The following GRIK2 variants were observed in gnomAD, a reference collection of about 807,000 sequenced individuals.
GRIK2 encodes glutamate receptor ionotropic, kainate 2.
GRIK2 carries 32 observed loss-of-function variants against 100.3 expected under a neutral mutation model. The ratio of observed to expected loss-of-function variants is 0.32; its 90% CI spans 0.24 to 0.43. GRIK2 has a LOEUF of 0.43. Among genes scored for constraint, GRIK2 ranks in the 20% least tolerant of loss-of-function variants. The pLI is 1.00. For missense variants in GRIK2, 843 were observed against 1,114.9 expected (o/e 0.76, Z 3.47); for synonymous variants, 417 against 389.4 (o/e 1.07, Z -0.83).
At chr6:101,841,488 C>T (rs374510614) in intron 10 of GRIK2, among the ~76,000 whole-genome samples, 27 of 151,992 alleles carry the variant, frequency 1.8e-4, no homozygotes, top group African/African-American at 5.5e-4. Flanking sequence ...CTCAGCCTCC[C>T]GAGTAGCTGG....
At chr6:101,867,636 A>G (rs1489807313) in intron 11 of GRIK2, among the ~76,000 whole-genome samples, 3 of 151,868 alleles carry the variant, frequency 2.0e-5, no homozygotes, top group Non-Finnish European at 4.4e-5. Context: ...TAGTTCTCAA[A>G]TATAAATGAC....
intron 11 of GRIK2, among the ~76,000 whole-genome samples, chr6:101,879,414 T>C (rs1162587219): frequency 6.6e-6 from 1 of 151,988 alleles, no homozygotes; most frequent in Non-Finnish European, 1.5e-5. Flanking sequence ...CAATTACATA[T>C]GCACCATTTA....
chr6:101,519,583 A>G (rs1443819233), intron 2 of GRIK2, among the ~76,000 whole-genome samples: 5 of 152,016 alleles, frequency 3.3e-5, no homozygotes, highest in African/African-American at 1.2e-4. Flanking sequence ...AATATTTTCT[A>G]ATTAAGTCCC....
intron 14 of GRIK2, 121 bp downstream of exon 14, chr6:101,928,753 T>C (rs1790072276): frequency 1.6e-6 from 1 of 640,852 alleles, no homozygotes; most frequent in African/African-American, 1.8e-5. Flanking sequence ...AATAATAGCA[T>C]ATACCTCAAG....
intron 14 of GRIK2, among the ~76,000 whole-genome samples, chr6:101,952,108 A>G (rs911492974): frequency 5.3e-5 from 8 of 152,150 alleles, no homozygotes; most frequent in Non-Finnish European, 1.2e-4. Context: ...TCTGTTCTCC[A>G]TTTCAGCAAT....
chr6:101,417,339 A>G (rs1406390161), intron 2 of GRIK2, among the ~76,000 whole-genome samples: 2 of 152,156 alleles, frequency 1.3e-5, no homozygotes, highest in Non-Finnish European at 2.9e-5. Context: ...AGTGACTTAC[A>G]TGTATGTAAG....
Position 101,626,372 on chromosome 6 carries a change from C to A in GRIK2, c.284-8C>A. 6.2e-7 allele frequency: 1 copy of A among 1,608,702 alleles called. No individual in the cohort carries two copies. The highest frequency in any genetic ancestry group is 8.5e-7 in the Non-Finnish European group (1 of 1,177,230). On this transcript the variant is annotated splice_polypyrimidine_tract_variant and splice_region_variant and intron_variant, in intron 3 of 16. Coordinates refer to ENST00000369134, the MANE Select transcript of GRIK2 (RefSeq NM_021956.5). ...CTCATTATTGACAGACCTTTATCTC[C>A]TCTTCAGCCTGTGATCAGCTGTCTC...
chr6:101,415,472 G>T (rs1164078496), intron 2 of GRIK2, among the ~76,000 whole-genome samples: 1 of 147,080 alleles, frequency 6.8e-6, no homozygotes, highest in Non-Finnish European at 1.5e-5. Context: ...CTGGGTTCAC[G>T]CCATTCTCCT....
At position 101,567,407 on chromosome 6, in the gene GRIK2, C is replaced by A. The variant is rs141883715; in HGVS notation, c.116-54542C>A. On this transcript the variant is annotated intron_variant, in intron 2 of 16. Transcript: ENST00000369134. ...AAATGCAAATCTGTCATGTCACTGA[C>A]TTCTTTAAAGACTCCAAGCATTCTT... Among the ~76,000 whole-genome samples the A allele has an allele frequency of 4.7e-4, 72 of 152,034 alleles. 1 individual carries two copies. Among genetic ancestry groups the A allele is most frequent in the African/African-American group, 1.7e-3 (71 of 41,544 alleles).
At position 101,641,764 on chromosome 6, in the gene GRIK2, C is replaced by T. The variant is rs531143503; in HGVS notation, c.541+15127C>T. ...CTTTTACACTATTGAAAAAGGATTC[C>T]GTGTGCTTTTAGCCTACAGCAAAGA... On this transcript the variant is annotated intron_variant, in intron 4 of 16. Coordinates refer to ENST00000369134, the MANE Select transcript of GRIK2 (RefSeq NM_021956.5). 1.6e-4 allele frequency among the ~76,000 whole-genome samples: 25 copies of T among 151,994 alleles called. No homozygotes were observed. In the Middle Eastern group the frequency reaches 0.01, roughly 62 times the overall value.
intron 2 of GRIK2, among the ~76,000 whole-genome samples, chr6:101,614,093 T>C (rs1779796394): frequency 6.6e-6 from 1 of 151,680 alleles, no homozygotes; most frequent in African/African-American, 2.4e-5. Context: ...ATCTGAATGA[T>C]GAGTAGACCA....
At chr6:101,805,865 G>C (rs1780972705) in intron 9 of GRIK2, among the ~76,000 whole-genome samples, 1 of 152,044 alleles carries the variant, frequency 6.6e-6, no homozygotes, top group African/African-American at 2.4e-5. Flanking sequence ...CTGTGGAGCA[G>C]ATAAACCAGG....
chr6:101,928,713 T>C (rs1790070020), intron 14 of GRIK2, 81 bp downstream of exon 14: 6 of 737,956 alleles, frequency 8.1e-6, no homozygotes, highest in Non-Finnish European at 1.5e-5. Flanking sequence ...TGTAAGAGTG[T>C]AACAACGCCA....
chr6:101,443,765 TAA>T (rs1259974600), intron 2 of GRIK2, among the ~76,000 whole-genome samples: 1 of 152,102 alleles, frequency 6.6e-6, no homozygotes, highest in Non-Finnish European at 1.5e-5. Flanking sequence ...ACTCTAGAAA[TAA>T]GAATACTACC....
rs1402253504 is a variant in GRIK2 at position 101,859,336 on chromosome 6, A to G, written c.1367A>G (p.Asn456Ser). Residue 456 changes from asparagine to serine, a missense_variant, in exon 11 of 17, where the codon AAT (asparagine) becomes AGT (serine). By Grantham distance (46) the Asn-to-Ser change is conservative. Around this residue, in one of 3 missense-constraint regions of GRIK2, gnomAD observed 519 missense variants for 643.8 expected, o/e 0.81. Coordinates refer to ENST00000369134, the MANE Select transcript of GRIK2 (RefSeq NM_021956.5). ...AAGTCTGACAAACCTCTCTATGGTA[A>G]TGATCGATTTGAAGGCTATTGCATT... is the stretch of plus-strand genomic sequence containing the variant. Reference protein sequence around the residue: ...FKKSDKPLYGNDRFEGYCIDL... With the variant: ...FKKSDKPLYGSDRFEGYCIDL... 1.9e-6 allele frequency: 3 copies of G among 1,606,316 alleles called. No individual in the cohort carries two copies. The highest frequency in any genetic ancestry group is 2.6e-6 in the Non-Finnish European group (3 of 1,173,138).
intron 2 of GRIK2, among the ~76,000 whole-genome samples, chr6:101,540,723 A>G (rs527873991): frequency 6.6e-6 from 1 of 152,080 alleles, no homozygotes; most frequent in East Asian, 1.9e-4. Flanking sequence ...TGTGAATAAG[A>G]GACTGGATGA....
intron 2 of GRIK2, among the ~76,000 whole-genome samples, chr6:101,493,544 T>A (rs1039622220): frequency 1.3e-5 from 2 of 151,968 alleles, no homozygotes; most frequent in Admixed American, 1.3e-4. Context: ...AATAGAAACA[T>A]TCTCAGACCA....
intron 11 of GRIK2, among the ~76,000 whole-genome samples, chr6:101,878,470 A>C (rs965483321): frequency 2.0e-5 from 3 of 151,858 alleles, no homozygotes; most frequent in African/African-American, 7.2e-5. Context: ...AGAAATTGCC[A>C]TTTGTATTCC....
In GRIK2 at chr6:101,581,594, T is replaced by A. The variant is rs116650516; in HGVS notation, c.116-40355T>A. ...TTGTTGAATGGTTGAATTAATATATTCTGTGAGAATTTACTGAGCATTAAC... is the reference window on the plus strand; with the variant it reads ...TTGTTGAATGGTTGAATTAATATATACTGTGAGAATTTACTGAGCATTAAC... On this transcript the variant is annotated intron_variant, in intron 2 of 16. Coordinates refer to ENST00000369134, the MANE Select transcript of GRIK2 (RefSeq NM_021956.5). Among the ~76,000 whole-genome samples, 226 of 152,208 alleles carry A rather than the reference T, an allele frequency of 1.5e-3. 1 individual carries two copies. Among genetic ancestry groups the A allele is most frequent in the African/African-American group, 5.3e-3 (221 of 41,540 alleles).
Sources: gnomAD v4.1 joint callset for allele counts (sites outside exome capture counted in the v4.1 genomes callset) on GRCh38, gnomAD v4.1.1 for gene constraint, gnomAD v4.1.1 regional missense constraint, MANE v1.5 for transcripts, NCBI Gene and HGNC (gene_info 2026-07-23, HGNC 2026-07-21) for gene names.